Variants in ARHGAP26 observed in about 807,000 individuals in gnomAD.
ARHGAP26 encodes the protein Rho GTPase activating protein 26, also known as rho GTPase-activating protein 26.
Under a neutral mutation model 104.8 loss-of-function variants are expected in ARHGAP26, and 38 were observed. The ratio of observed to expected loss-of-function variants is 0.36; its 90% CI spans 0.28 to 0.48. ARHGAP26 has a LOEUF of 0.48. Among genes scored for constraint, ARHGAP26 ranks in the 20% least tolerant of loss-of-function variants. The pLI is 0.99. For synonymous variants in ARHGAP26, 341 were observed against 340.0 expected, an observed-to-expected ratio of 1.00 and a Z score of -0.03; for missense variants, 704 against 947.9, an observed-to-expected ratio of 0.74 and a Z score of 3.38.
intron 1 of ARHGAP26, among the ~76,000 whole-genome samples, chr5:142,772,046 G>T (rs549085659): frequency 2.6e-5 from 4 of 152,366 alleles, no homozygotes; most frequent in African/African-American, 9.6e-5. Flanking sequence ...GGATTTCTTA[G>T]TAGGTGATAC....
chr5:142,780,545 T>C (rs1274188445), intron 1 of ARHGAP26, among the ~76,000 whole-genome samples: 7 of 152,246 alleles, frequency 4.6e-5, no homozygotes. Context: ...CTTAGAATTT[T>C]CTCCATTTTC....
intron 11 of ARHGAP26, among the ~76,000 whole-genome samples, chr5:142,955,835 C>T (rs1170846381): frequency 6.6e-6 from 1 of 152,218 alleles, no homozygotes; most frequent in Non-Finnish European, 1.5e-5. Flanking sequence ...TGTCTCCATG[C>T]ATCTCATGCT....
At chr5:143,000,571 T>C (rs1777052664) in intron 11 of ARHGAP26, among the ~76,000 whole-genome samples, 1 of 152,240 alleles carries the variant, frequency 6.6e-6, no homozygotes, top group Non-Finnish European at 1.5e-5. Flanking sequence ...TAAAGACACA[T>C]GTACACGTAT....
intron 17 of ARHGAP26, among the ~76,000 whole-genome samples, chr5:143,100,795 T>C (rs1793103663): frequency 6.6e-6 from 1 of 152,228 alleles, no homozygotes; most frequent in South Asian, 2.1e-4. Context: ...CTCCATTTTC[T>C]GGACTCAAAT....
At chr5:142,789,793 C>T (rs1377675352) in intron 1 of ARHGAP26, among the ~76,000 whole-genome samples, 1 of 152,160 alleles carries the variant, frequency 6.6e-6, no homozygotes, top group Non-Finnish European at 1.5e-5. Flanking sequence ...CAAGACACTC[C>T]AAAACATATC....
At chr5:142,901,139 A>T (rs1177223425) in intron 6 of ARHGAP26, among the ~76,000 whole-genome samples, 3 of 152,186 alleles carry the variant, frequency 2.0e-5, no homozygotes. Flanking sequence ...TAGTTTGGAT[A>T]AATGAAGGCT....
intron 17 of ARHGAP26, among the ~76,000 whole-genome samples, chr5:143,115,972 G>A (rs1795381799): frequency 6.6e-6 from 1 of 150,396 alleles, no homozygotes; most frequent in African/African-American, 2.5e-5. Context: ...AGTGGCTCAT[G>A]AAAACAATTT....
chr5:142,842,914 T>C (rs923265577), intron 1 of ARHGAP26, among the ~76,000 whole-genome samples: 4 of 152,214 alleles, frequency 2.6e-5, no homozygotes, highest in Non-Finnish European at 4.4e-5. Context: ...GACAAACTCA[T>C]GAAAATTATC....
intron 10 of ARHGAP26, among the ~76,000 whole-genome samples, chr5:142,922,752 C>T (rs190876637): frequency 2.0e-4 from 30 of 152,328 alleles, no homozygotes; most frequent in Middle Eastern, 3.4e-3. Flanking sequence ...CTACTTTTCC[C>T]TCCTGGTGCA....
At chr5:142,850,686 T>C (rs40127) in intron 1 of ARHGAP26, among the ~76,000 whole-genome samples, 16,644 of 152,180 alleles carry the variant, frequency 0.11, 1,463 homozygotes, top group East Asian at 0.49. Context: ...GTCAGACACA[T>C]AGTAGGTCCT....
At chr5:142,914,050 C>T (rs1370241258) in intron 10 of ARHGAP26, among the ~76,000 whole-genome samples, 2 of 152,212 alleles carry the variant, frequency 1.3e-5, no homozygotes, top group African/African-American at 2.4e-5. Context: ...GCATGATACT[C>T]CGTATAATGC....
At chr5:142,896,489 A>G (rs1482658268) in intron 6 of ARHGAP26, among the ~76,000 whole-genome samples, 1 of 152,170 alleles carries the variant, frequency 6.6e-6, no homozygotes, top group Non-Finnish European at 1.5e-5. Context: ...CTTCTCACAC[A>G]TCTGTGAGGT....
chr5:142,809,764 A>G (rs1763709136), intron 1 of ARHGAP26, among the ~76,000 whole-genome samples: 1 of 152,144 alleles, frequency 6.6e-6, no homozygotes, highest in Non-Finnish European at 1.5e-5. Context: ...CCATCCATCC[A>G]ATCACTCATT....
chr5:142,809,655 A>T (rs1441287348), intron 1 of ARHGAP26, among the ~76,000 whole-genome samples: 1 of 152,234 alleles, frequency 6.6e-6, no homozygotes, highest in Non-Finnish European at 1.5e-5. Context: ...GCTTTCAAGC[A>T]GATAGAGAGA....
intron 20 of ARHGAP26, among the ~76,000 whole-genome samples, chr5:143,193,403 C>T (rs529793636): frequency 2.0e-5 from 3 of 152,114 alleles, no homozygotes; most frequent in Non-Finnish European, 1.5e-5. Context: ...ATACAGCCAC[C>T]AAACCTGGCT....
chr5:142,796,876 G>C (rs1761084333), intron 1 of ARHGAP26, among the ~76,000 whole-genome samples: 2 of 152,222 alleles, frequency 1.3e-5, no homozygotes, highest in South Asian at 4.1e-4. Flanking sequence ...CCTACTGGTT[G>C]TTTAGGTCTC....
chr5:142,937,963 G>A (rs534215719), intron 11 of ARHGAP26, among the ~76,000 whole-genome samples: 1 of 152,086 alleles, frequency 6.6e-6, no homozygotes, highest in Non-Finnish European at 1.5e-5. Context: ...TGATCTTGGT[G>A]GTTAGTTATA....
chr5:143,147,910 CT>C (rs1276844392), intron 20 of ARHGAP26, among the ~76,000 whole-genome samples: 2 of 152,132 alleles, frequency 1.3e-5, no homozygotes, highest in African/African-American at 4.8e-5. Flanking sequence ...GAGAAGAACC[CT>C]TTTTGCTTTA....
At chr5:143,152,399 A>G (rs115959038) in intron 20 of ARHGAP26, among the ~76,000 whole-genome samples, 3,543 of 152,340 alleles carry the variant, frequency 0.023, 58 homozygotes, top group Non-Finnish European at 0.038. Context: ...AATAGAGTCT[A>G]TTAACACATC....
Sources: allele counts gnomAD v4.1 joint callset (sites outside exome capture counted in the v4.1 genomes callset), GRCh38; gene constraint gnomAD v4.1.1; transcripts MANE v1.5; gene names NCBI Gene and HGNC (gene_info 2026-07-23, HGNC 2026-07-21).